The following FILIP1 variants were observed in gnomAD, a reference collection of about 807,000 sequenced individuals.
FILIP1 encodes filamin-A-interacting protein 1.
In FILIP1, 61 loss-of-function variants were observed where a neutral mutation model predicts 102.1. The ratio of observed to expected loss-of-function variants is 0.60; its 90% CI spans 0.49 to 0.74. The LOEUF (loss-of-function observed/expected upper bound fraction) is 0.74. Among genes scored for constraint, FILIP1 ranks in the 30% least tolerant of loss-of-function variants. The probability of loss-of-function intolerance (pLI) is 0.00; values close to 1 mark genes in which losing one functional copy is unlikely to be tolerated. For missense variants in FILIP1, 1,314 were observed against 1,441.2 expected (o/e 0.91, Z 1.43); for synonymous variants, 491 against 526.9 (o/e 0.93, Z 0.93).
intron 5 of FILIP1, among the ~76,000 whole-genome samples, chr6:75,312,137 C>T (rs1773210150): frequency 6.6e-6 from 1 of 152,172 alleles, no homozygotes; most frequent in Admixed American, 6.5e-5. Context: ...AAGAGGCTAT[C>T]TTTGCAAGTA....
At chr6:75,347,179 GA>G (rs898756796) in intron 4 of FILIP1, among the ~76,000 whole-genome samples, 3 of 152,084 alleles carry the variant, frequency 2.0e-5, no homozygotes, top group African/African-American at 4.8e-5. Context: ...TTTTCTTACT[GA>G]AAAAAACTCA....
At chr6:75,406,167 C>T (rs917281199) in intron 2 of FILIP1, among the ~76,000 whole-genome samples, 11 of 152,176 alleles carry the variant, frequency 7.2e-5, no homozygotes, top group Admixed American at 1.3e-4. Flanking sequence ...ACTTCTACAT[C>T]GCTCTACTCC....
chr6:75,404,339 T>C (rs985053158), intron 2 of FILIP1, among the ~76,000 whole-genome samples: 1 of 152,196 alleles, frequency 6.6e-6, no homozygotes, highest in Admixed American at 6.5e-5. Context: ...GTCCTGCCAT[T>C]GGCCTGCCCA....
chr6:75,331,634 T>C (rs1329212811), intron 4 of FILIP1, among the ~76,000 whole-genome samples: 1 of 152,112 alleles, frequency 6.6e-6, no homozygotes, highest in Admixed American at 6.6e-5. Flanking sequence ...ACCCTTCTCC[T>C]GTTGTCAGGC....
intron 1 of FILIP1, among the ~76,000 whole-genome samples, chr6:75,466,685 T>G (rs964176687): frequency 6.6e-6 from 1 of 152,216 alleles, no homozygotes; most frequent in African/African-American, 2.4e-5. Context: ...AGAGATCAAC[T>G]AGGTCGGTGC....
chr6:75,343,218 AC>A (rs2149590532), intron 4 of FILIP1, among the ~76,000 whole-genome samples: 1 of 152,310 alleles, frequency 6.6e-6, no homozygotes, highest in African/African-American at 2.4e-5. Flanking sequence ...AAGAGGTCTC[AC>A]CAGAACCCAA....
At chr6:75,322,151 G>A (rs73751816) in intron 4 of FILIP1, among the ~76,000 whole-genome samples, 4,043 of 152,010 alleles carry the variant, frequency 0.027, 188 homozygotes, top group African/African-American at 0.092. Flanking sequence ...ACAAGCATTC[G>A]GCATTCAGAA....
At chr6:75,426,395 C>T (rs927318668) in intron 1 of FILIP1, among the ~76,000 whole-genome samples, 8 of 152,110 alleles carry the variant, frequency 5.3e-5, no homozygotes, top group East Asian at 1.9e-4. Flanking sequence ...AGTAGGATTC[C>T]GCTGACATTG....
chr6:75,465,398 G>C (rs1432765988), intron 1 of FILIP1: 5 of 553,048 alleles, frequency 9.0e-6, no homozygotes, highest in Non-Finnish European at 9.5e-6. Context: ...AATCTGAATG[G>C]AGTTACTAGC....
At chr6:75,463,681 T>C (rs1779088145) in intron 1 of FILIP1, among the ~76,000 whole-genome samples, 1 of 152,212 alleles carries the variant, frequency 6.6e-6, no homozygotes, top group Admixed American at 6.5e-5. Context: ...AAAAATATAG[T>C]AAAAGCATTA....
chr6:75,361,907 G>T (rs769288800), intron 3 of FILIP1: 9 of 152,204 alleles, frequency 5.9e-5, no homozygotes, highest in Non-Finnish European at 1.3e-4. Context: ...TGAAAATTAT[G>T]GGACCATCAA....
intron 6 of FILIP1, chr6:75,296,031 A>T: frequency 2.0e-6 from 2 of 1,000,024 alleles, no homozygotes; most frequent in Non-Finnish European, 2.7e-6. Flanking sequence ...AAAAGATCAT[A>T]GATGTTAAAT....
intron 1 of FILIP1, among the ~76,000 whole-genome samples, chr6:75,435,433 T>A (rs1243163850): frequency 6.6e-6 from 1 of 152,214 alleles, no homozygotes; most frequent in African/African-American, 2.4e-5. Context: ...GTTAGGGACT[T>A]AACTAACAAT....
At chr6:75,435,522 T>A (rs1777989871) in intron 1 of FILIP1, among the ~76,000 whole-genome samples, 1 of 152,232 alleles carries the variant, frequency 6.6e-6, no homozygotes, top group African/African-American at 2.4e-5. Context: ...AAAATCAGGT[T>A]TCCTGGAATA....
chr6:75,465,950 TCCAGCCACGCCAG>T (rs1324800379), intron 1 of FILIP1, among the ~76,000 whole-genome samples: 1 of 152,154 alleles, frequency 6.6e-6, no homozygotes, highest in African/African-American at 2.4e-5. Context: ...ATTCACCTGC[TCCAGCCACGCCAG>T]CCATCGCGCT....
intron 2 of FILIP1, among the ~76,000 whole-genome samples, chr6:75,397,254 A>C (rs1470540789): frequency 6.6e-6 from 1 of 151,904 alleles, no homozygotes; most frequent in South Asian, 2.1e-4. Flanking sequence ...AAATATAAAA[A>C]ATTCTAAAAA....
chr6:75,350,834 G>C (rs927063661), intron 4 of FILIP1, among the ~76,000 whole-genome samples: 6 of 152,100 alleles, frequency 3.9e-5, no homozygotes, highest in Non-Finnish European at 8.8e-5. Flanking sequence ...TAATTTACAA[G>C]GTAATGAGAA....
intron 1 of FILIP1, among the ~76,000 whole-genome samples, chr6:75,420,050 T>A (rs1474636169): frequency 6.6e-6 from 1 of 152,186 alleles, no homozygotes; most frequent in Non-Finnish European, 1.5e-5. Context: ...TTAGGGTAGA[T>A]CTATTCAGAC....
At chr6:75,390,095 G>C (rs183215338) in intron 2 of FILIP1, among the ~76,000 whole-genome samples, 8 of 152,258 alleles carry the variant, frequency 5.3e-5, no homozygotes, top group African/African-American at 1.9e-4. Flanking sequence ...ACGCATCTGC[G>C]GTCAAGTTTG....
Sources: gnomAD v4.1 joint callset for allele counts (sites outside exome capture counted in the v4.1 genomes callset) on GRCh38, gnomAD v4.1.1 for gene constraint, MANE v1.5 for transcripts, NCBI Gene and HGNC (gene_info 2026-07-23, HGNC 2026-07-21) for gene names.